ATG4C: variants seen among roughly 807,000 people sequenced by gnomAD.
ATG4C encodes autophagy related 4C cysteine peptidase.
A neutral mutation model predicts 57.6 loss-of-function variants in ATG4C; 56 were observed. The ratio of observed to expected loss-of-function variants is 0.97; its 90% CI spans 0.78 to 1.21. The LOEUF is 1.21. ATG4C is among the 50% of genes most tolerant of loss of function. ATG4C has a pLI of 0.00. For missense variants in ATG4C, 595 were observed against 529.8 expected (o/e 1.12, Z -1.21); for synonymous variants, 157 against 174.1 (o/e 0.90, Z 0.78).
At chr1:62,816,956 G>C in intron 4 of ATG4C, 148 bp downstream of exon 4, 1 of 651,214 alleles carries the variant, frequency 1.5e-6, no homozygotes, top group East Asian at 2.9e-5. Context: ...TAACTAATTT[G>C]GTGTATTGCA....
Position 62,821,156 on chromosome 1 carries a change from C to A in ATG4C, c.743C>A (p.Ala248Glu), listed in dbSNP as rs867449557. The change falls in exon 6 of 11, where the codon GCA (alanine) becomes GAA (glutamate). Residue 248 changes from alanine (A) to glutamate (E), a missense_variant. Ala to Glu is a moderately radical substitution (Grantham distance 107, BLOSUM62 -1). Transcript: ENST00000317868. ...TTTCTCAGAAAAGCAGTTGAAGAAG[C>A]AAGGCATCCTGATTTACAAGGAATA... ...AHILRKAVEE[A>E]RHPDLQGITI... The A allele has an allele frequency of 6.2e-7, 1 of 1,600,520 alleles. No individual in the cohort carries two copies. Among genetic ancestry groups the A allele is most frequent in the Middle Eastern group, 1.7e-4 (1 of 5,998 alleles).
At chr1:62,832,819 A>G (rs987087480) in intron 7 of ATG4C, among the ~76,000 whole-genome samples, 1 of 152,222 alleles carries the variant, frequency 6.6e-6, no homozygotes, top group African/African-American at 2.4e-5. Context: ...CATAAAATAG[A>G]ATATTTTTCA....
rs547158583 is a variant in ATG4C at position 62,784,575 on chromosome 1, A to G, written c.-69+302A>G. Among the ~76,000 whole-genome samples, 6 of 152,178 alleles carry G rather than the reference A, an allele frequency of 3.9e-5. No homozygotes were observed. In the South Asian group the frequency reaches 6.2e-4, roughly 16 times the overall value. On this transcript the variant is annotated intron_variant, in intron 1 of 10. Coordinates refer to ENST00000317868, the MANE Select transcript of ATG4C (RefSeq NM_032852.4). ...CAGGCAAGACTCTTTCCCCTGATCT[A>G]TCGCATCCATTTGACCCCTCCTCAT...
At chr1:62,814,770 A>G (rs957034364) in intron 3 of ATG4C, among the ~76,000 whole-genome samples, 7 of 152,094 alleles carry the variant, frequency 4.6e-5, no homozygotes, top group Admixed American at 1.3e-4. Flanking sequence ...CTTTTAAATT[A>G]AGGTGTTTAG....
At chr1:62,790,173 C>T (rs543839143) in intron 1 of ATG4C, among the ~76,000 whole-genome samples, 127 of 152,318 alleles carry the variant, frequency 8.3e-4, no homozygotes, top group African/African-American at 2.8e-3. Context: ...CTCGGCCTCC[C>T]AAAGTGCTGG....
chr1:62,788,954 TTCCATTA>T (rs1664176864), intron 1 of ATG4C, among the ~76,000 whole-genome samples: 1 of 152,172 alleles, frequency 6.6e-6, no homozygotes, highest in African/African-American at 2.4e-5. Flanking sequence ...TGATCGTTTA[TTCCATTA>T]TTGGTGATTA....
Position 62,821,079 on chromosome 1 carries a change from T to C in ATG4C, c.726-60T>C, listed in dbSNP as rs532493005. ...GGCATTTTTTCCTTCTTAAATTAAA[T>C]ATTTAGTTGCCAATAGGAAATGTTA... On this transcript the variant is annotated intron_variant, in intron 5 of 10. Coordinates refer to ENST00000317868, the MANE Select transcript of ATG4C (RefSeq NM_032852.4). The C allele has an allele frequency of 1.3e-5, 18 of 1,344,100 alleles. No homozygotes were observed. The East Asian group carries it at 4.3e-4, about 32-fold the overall frequency. The allele number at this position is 1,344,100 out of a possible 1,614,324, so 83.3% of individuals were successfully genotyped here.
intron 10 of ATG4C, among the ~76,000 whole-genome samples, chr1:62,842,846 G>A (rs971644383): frequency 6.6e-6 from 1 of 152,018 alleles, no homozygotes; most frequent in East Asian, 1.9e-4. Context: ...AACATGGAAG[G>A]CCAGGTGAAC....
At chr1:62,834,718 A>G in intron 8 of ATG4C, 58 bp from the exon 9 acceptor site, 1 of 1,381,776 alleles carries the variant, frequency 7.2e-7, no homozygotes, top group Non-Finnish European at 1.0e-6. Flanking sequence ...ATTGGATTGT[A>G]AGCAGTGTAA....
chr1:62,860,356 C>G (rs1217715545), intron 10 of ATG4C, among the ~76,000 whole-genome samples: 2 of 152,180 alleles, frequency 1.3e-5, no homozygotes, highest in Non-Finnish European at 2.9e-5. Flanking sequence ...ACTTAAACCA[C>G]TAAGTCATTT....
intron 1 of ATG4C, among the ~76,000 whole-genome samples, chr1:62,800,734 G>T: frequency 1.3e-5 from 2 of 152,184 alleles, no homozygotes; most frequent in East Asian, 3.9e-4. Flanking sequence ...TTTCATATCA[G>T]TTCACTGATT....
At chr1:62,859,858 C>A (rs1268422500) in intron 10 of ATG4C, among the ~76,000 whole-genome samples, 1 of 151,982 alleles carries the variant, frequency 6.6e-6, no homozygotes, top group Non-Finnish European at 1.5e-5. Context: ...CCACACCTGG[C>A]TAATTTTTGT....
chr1:62,817,983 G>C (rs1304570098), intron 4 of ATG4C, among the ~76,000 whole-genome samples: 1 of 152,024 alleles, frequency 6.6e-6, no homozygotes, highest in Non-Finnish European at 1.5e-5. Flanking sequence ...TTTTTAAACT[G>C]GTTTTCTGGG....
At chr1:62,844,412 A>G (rs1666266842) in intron 10 of ATG4C, among the ~76,000 whole-genome samples, 1 of 152,200 alleles carries the variant, frequency 6.6e-6, no homozygotes, top group Non-Finnish European at 1.5e-5. Context: ...AAAAATATTC[A>G]TTAATCATGA....
chr1:62,797,456 ATTG>A (rs1664511973), intron 1 of ATG4C, among the ~76,000 whole-genome samples: 1 of 152,110 alleles, frequency 6.6e-6, no homozygotes, highest in Admixed American at 6.5e-5. Context: ...TAGTTATGTT[ATTG>A]TTAATTATGC....
At chr1:62,826,478 T>G (rs1572138258) in intron 6 of ATG4C, among the ~76,000 whole-genome samples, 1 of 143,766 alleles carries the variant, frequency 7.0e-6, no homozygotes, top group East Asian at 2.2e-4. Flanking sequence ...CCTCGTGATC[T>G]GCCCACCTCA....
chr1:62,847,904 C>T (rs1666378318), intron 10 of ATG4C, among the ~76,000 whole-genome samples: 1 of 152,118 alleles, frequency 6.6e-6, no homozygotes, highest in African/African-American at 2.4e-5. Context: ...CCAAAACAAC[C>T]ACTCTTCCGT....
chr1:62,801,019 A>T (rs534844717), intron 1 of ATG4C, among the ~76,000 whole-genome samples: 1 of 152,224 alleles, frequency 6.6e-6, no homozygotes. Context: ...CTTGAGTTAG[A>T]GGGAACAGAT....
In ATG4C at chr1:62,841,536, G is replaced by T. The variant is rs760611137; in HGVS notation, c.1198G>T (p.Glu400Ter). The T allele has an allele frequency of 4.4e-6, 7 of 1,586,490 alleles. No homozygotes were observed. Among genetic ancestry groups the T allele is most frequent in the Non-Finnish European group, 6.0e-6 (7 of 1,166,354 alleles). Residue 400 changes from glutamate (E) to a stop codon, truncating the protein, a stop_gained, in exon 10 of 11, where the codon GAA becomes TAA. Coordinates refer to ENST00000317868, the MANE Select transcript of ATG4C (RefSeq NM_032852.4). LOFTEE classifies it high-confidence loss of function. ...TCAGGACTTCAAACGAGCTTCTGAA[G>T]AAATCACCAAGGTATCTTTATTTAA... is the stretch of plus-strand genomic sequence containing the variant. ...NVQDFKRASE[E>*]ITKMLKFSSK...
Sources: allele counts gnomAD v4.1 joint callset (sites outside exome capture counted in the v4.1 genomes callset), GRCh38; gene constraint gnomAD v4.1.1; transcripts MANE v1.5; gene names NCBI Gene and HGNC (gene_info 2026-07-23, HGNC 2026-07-21).